The following SPAG16 variants were observed in gnomAD, a reference collection of about 807,000 sequenced individuals.
SPAG16 encodes the protein sperm associated antigen 16.
A neutral mutation model predicts 80.4 loss-of-function variants in SPAG16; 86 were observed. That is an observed-to-expected ratio of 1.07 (90% CI 0.90 to 1.28). The LOEUF is 1.28. Ranked by LOEUF, SPAG16 falls within the 50% of genes most tolerant of loss-of-function variation. The probability of loss-of-function intolerance (pLI) is 0.00; values close to 1 mark genes in which losing one functional copy is unlikely to be tolerated. For missense variants in SPAG16, 870 were observed against 765.3 expected (o/e 1.14, Z -1.61); for synonymous variants, 294 against 265.9 (o/e 1.11, Z -1.03).
In SPAG16 at chr2:214,410,271, C is replaced by T; in HGVS notation, c.1852C>T (p.Leu618Phe). 1 of 1,610,372 alleles carries T rather than the reference C, an allele frequency of 6.2e-7. No homozygotes were observed. Among genetic ancestry groups the T allele is most frequent in the Non-Finnish European group, 8.5e-7 (1 of 1,176,848 alleles). Reference sequence around the variant, plus strand: ...TGTGTTTTCTCACGACGGGGAGATTCTCTTTTCTGGAGGCTCTGACGGCAC... The same window carrying T: ...TGTGTTTTCTCACGACGGGGAGATTTTCTTTTCTGGAGGCTCTGACGGCAC... ...TVVFSHDGEI[L>F]FSGGSDGTVR... Residue 618 changes from leucine (L) to phenylalanine (F), a missense_variant, in exon 16 of 16, where the codon CTC becomes TTC. Leu to Phe is a conservative substitution (Grantham distance 22). Coordinates refer to ENST00000331683, the MANE Select transcript of SPAG16 (RefSeq NM_024532.5).
At chr2:213,895,120 C>G (rs562005621) in intron 11 of SPAG16, among the ~76,000 whole-genome samples, 1 of 150,878 alleles carries the variant, frequency 6.6e-6, no homozygotes, top group South Asian at 2.1e-4. Flanking sequence ...TTTATATACA[C>G]TGACAGTGAA....
intron 15 of SPAG16, among the ~76,000 whole-genome samples, chr2:214,290,250 G>T (rs557215573): frequency 1.3e-5 from 2 of 152,116 alleles, no homozygotes; most frequent in Admixed American, 6.5e-5. Flanking sequence ...TATTTTGTTG[G>T]TATCAATTGC....
At chr2:213,823,018 T>C (rs1276621643) in intron 10 of SPAG16, among the ~76,000 whole-genome samples, 1 of 152,208 alleles carries the variant, frequency 6.6e-6, no homozygotes. Flanking sequence ...CTATTGTAAG[T>C]AGTGCTGCAA....
At chr2:213,409,656 A>G (rs766049243) in intron 9 of SPAG16, among the ~76,000 whole-genome samples, 1 of 152,228 alleles carries the variant, frequency 6.6e-6, no homozygotes, top group Non-Finnish European at 1.5e-5. Context: ...TTTTATTAAA[A>G]CTAAGTTTAA....
intron 8 of SPAG16, among the ~76,000 whole-genome samples, chr2:213,368,470 CA>C (rs1301059758): frequency 6.6e-6 from 1 of 152,076 alleles, no homozygotes; most frequent in Admixed American, 6.6e-5. Flanking sequence ...ACTGAATGGG[CA>C]AAAACTGGAA....
chr2:213,897,079 G>C (rs1218017900), intron 11 of SPAG16, among the ~76,000 whole-genome samples: 1 of 152,124 alleles, frequency 6.6e-6, no homozygotes, highest in Non-Finnish European at 1.5e-5. Context: ...AATTTGAATA[G>C]TTCCAGCAGA....
rs186678170 is a variant in SPAG16 at position 213,949,343 on chromosome 2, A to C, written c.1400+19198A>C. Among the ~76,000 whole-genome samples, 44 of 151,442 alleles carry C rather than the reference A, an allele frequency of 2.9e-4. 1 individual carries two copies. In the East Asian group the frequency reaches 8.2e-3, roughly 28 times the overall value. On this transcript the variant is annotated intron_variant, in intron 12 of 15. Transcript: ENST00000331683. ...GCCACCACGCCCAGCTAATTTTTGT[A>C]TTTTTAGTAGAGATGGCATTTCACC... is the stretch of plus-strand genomic sequence containing the variant.
intron 15 of SPAG16, among the ~76,000 whole-genome samples, chr2:214,207,537 T>G (rs116023171): frequency 1.5e-4 from 23 of 152,336 alleles, no homozygotes; most frequent in Non-Finnish European, 3.4e-4. Flanking sequence ...GGTGGCCTTA[T>G]TTTCATTGAT....
At chr2:214,192,336 T>C (rs2125699276) in intron 15 of SPAG16, among the ~76,000 whole-genome samples, 1 of 152,270 alleles carries the variant, frequency 6.6e-6, no homozygotes, top group Middle Eastern at 3.4e-3. Flanking sequence ...AAATAGTGCC[T>C]GTGTGAAATA....
chr2:213,511,013 G>A (rs1464002255), intron 10 of SPAG16, among the ~76,000 whole-genome samples: 1 of 152,042 alleles, frequency 6.6e-6, no homozygotes, highest in Non-Finnish European at 1.5e-5. Context: ...AATTTTGAAA[G>A]CCCTTTGGAA....
At chr2:214,385,433 G>C (rs1488034562) in intron 15 of SPAG16, among the ~76,000 whole-genome samples, 1 of 152,212 alleles carries the variant, frequency 6.6e-6, no homozygotes, top group East Asian at 1.9e-4. Flanking sequence ...CTGAGTCACA[G>C]AGGGCTAAAT....
At chr2:214,365,741 T>C (rs1339609385) in intron 15 of SPAG16, among the ~76,000 whole-genome samples, 1 of 152,120 alleles carries the variant, frequency 6.6e-6, no homozygotes, top group African/African-American at 2.4e-5. Context: ...AAAACAGGGT[T>C]GTAGGGAGAG....
In SPAG16 at chr2:213,323,346, C is replaced by CAGG. The variant is rs1472329614; in HGVS notation, c.536+5993_536+5995dup. On this transcript the variant is annotated intron_variant, in intron 5 of 15. Coordinates refer to ENST00000331683, the MANE Select transcript of SPAG16 (RefSeq NM_024532.5). ...GTCCCAGCTACTCGGGAGGCTGAGG[C>CAGG]AGGAGAATGGTGTGAACCCAGGAGG... Among the ~76,000 whole-genome samples the CAGG allele has an allele frequency of 2.0e-5, 3 of 152,048 alleles. No homozygotes were observed. In the East Asian group the frequency reaches 5.8e-4, roughly 29 times the overall value.
At chr2:213,436,332 G>A (rs1187968051) in intron 9 of SPAG16, among the ~76,000 whole-genome samples, 1 of 152,132 alleles carries the variant, frequency 6.6e-6, no homozygotes, top group Non-Finnish European at 1.5e-5. Flanking sequence ...GATTAGTCTT[G>A]TTTTCCTCTG....
intron 6 of SPAG16, among the ~76,000 whole-genome samples, chr2:213,348,616 T>C (rs2065140689): frequency 6.6e-6 from 1 of 152,158 alleles, no homozygotes; most frequent in Admixed American, 6.6e-5. Flanking sequence ...GTAAAGGATT[T>C]TATTTCTCCT....
intron 10 of SPAG16, among the ~76,000 whole-genome samples, chr2:213,494,610 T>C (rs1315961603): frequency 1.3e-5 from 2 of 152,232 alleles, no homozygotes; most frequent in African/African-American, 4.8e-5. Flanking sequence ...TAATTTACCC[T>C]GTCTTACCCC....
intron 10 of SPAG16, among the ~76,000 whole-genome samples, chr2:213,789,017 G>C (rs2070520487): frequency 6.6e-6 from 1 of 151,762 alleles, no homozygotes; most frequent in Non-Finnish European, 1.5e-5. Flanking sequence ...CGTTTTTCCT[G>C]TTTTCTCTGT....
intron 10 of SPAG16, among the ~76,000 whole-genome samples, chr2:213,524,418 G>A (rs1044926206): frequency 6.6e-6 from 1 of 152,194 alleles, no homozygotes; most frequent in African/African-American, 2.4e-5. Flanking sequence ...TAGTGGAGCT[G>A]TGAGAAGAGG....
intron 15 of SPAG16, among the ~76,000 whole-genome samples, chr2:214,270,636 A>G (rs1033483459): frequency 1.3e-5 from 2 of 152,150 alleles, no homozygotes; most frequent in African/African-American, 2.4e-5. Context: ...TACTCCTAGA[A>G]TATCTCAACT....
Sources: gnomAD v4.1 joint callset for allele counts (sites outside exome capture counted in the v4.1 genomes callset) on GRCh38, gnomAD v4.1.1 for gene constraint, MANE v1.5 for transcripts, NCBI Gene and HGNC (gene_info 2026-07-23, HGNC 2026-07-21) for gene names.